The following BATF variants were observed in gnomAD, a reference collection of about 807,000 sequenced individuals.
BATF encodes basic leucine zipper transcriptional factor ATF-like.
A neutral mutation model predicts 13.7 loss-of-function variants in BATF; 5 were observed. The observed-to-expected ratio is 0.36, with a 90% CI of 0.19 to 0.77. BATF has a LOEUF of 0.77. Among genes scored for constraint, BATF ranks in the 30% least tolerant of loss-of-function variants. BATF has a pLI of 0.51. For missense variants in BATF, 124 were observed against 163.0 expected (o/e 0.76, Z 1.30); for synonymous variants, 72 against 67.5 (o/e 1.07, Z -0.33).
chr14:75,534,656 C>G (rs551905953), intron 2 of BATF, among the ~76,000 whole-genome samples: 2 of 152,276 alleles, frequency 1.3e-5, no homozygotes, highest in African/African-American at 2.4e-5. Context: ...AATTAAGAAG[C>G]CTTCATCAAG....
intron 2 of BATF, among the ~76,000 whole-genome samples, chr14:75,531,412 G>A (rs1181141617): frequency 2.6e-5 from 4 of 152,182 alleles, no homozygotes; most frequent in South Asian, 4.1e-4. Context: ...TGGAGTTGCC[G>A]GGAGCAGTGG....
At chr14:75,539,405 CAAGGT>C (rs1156606058) in intron 2 of BATF, among the ~76,000 whole-genome samples, 1 of 120,568 alleles carries the variant, frequency 8.3e-6, no homozygotes, top group African/African-American at 3.1e-5. Context: ...CCCCTAGCTA[CAAGGT>C]AAGGTAAGCT....
intron 2 of BATF, among the ~76,000 whole-genome samples, chr14:75,534,779 C>G (rs1226055816): frequency 8.5e-5 from 13 of 152,126 alleles, no homozygotes; most frequent in Admixed American, 8.5e-4. Context: ...TGATATGACC[C>G]CTTTTCAGTA....
intron 2 of BATF, among the ~76,000 whole-genome samples, chr14:75,529,358 G>T (rs1840156172): frequency 6.6e-6 from 1 of 152,156 alleles, no homozygotes; most frequent in Non-Finnish European, 1.5e-5. Flanking sequence ...AATGGGCTGG[G>T]CACGGTGGCT....
chr14:75,525,134 T>C lies in BATF; in HGVS notation c.114T>C (p.Ile38=), dbSNP rs761523570. The C allele has an allele frequency of 1.1e-5, 17 of 1,613,872 alleles. No individual in the cohort carries two copies. In the East Asian group the frequency reaches 3.6e-4, roughly 34 times the overall value. The change falls in exon 2 of 3, where the codon ATT becomes ATC. Residue 38 remains isoleucine (I), a synonymous_variant. Coordinates refer to ENST00000286639, the MANE Select transcript of BATF (RefSeq NM_006399.5). ...TTCAGAGGAGGGAGAAAAATCGTAT[T>C]GCCGCCCAGAAGAGCCGACAGAGGC... ...RRVQRREKNR[I]AAQKSRQRQT...
At chr14:75,526,116 G>A (rs948825527) in intron 2 of BATF, among the ~76,000 whole-genome samples, 1 of 152,194 alleles carries the variant, frequency 6.6e-6, no homozygotes, top group Non-Finnish European at 1.5e-5. Context: ...GGGGCCTTGA[G>A]CAGTGCTGAA....
intron 1 of BATF, 92 bp downstream of exon 1, chr14:75,522,837 G>A: frequency 2.6e-6 from 4 of 1,525,552 alleles, no homozygotes; most frequent in Non-Finnish European, 2.7e-6. Context: ...GGGAGCTGAG[G>A]ATGGAGGAAG....
chr14:75,543,133 A>G (rs944602201), intron 2 of BATF, among the ~76,000 whole-genome samples: 9 of 152,156 alleles, frequency 5.9e-5, no homozygotes, highest in Non-Finnish European at 5.9e-5. Flanking sequence ...CCCTAGTCTC[A>G]TCGTGTTGCT....
At chr14:75,529,782 T>C (rs552108617) in intron 2 of BATF, among the ~76,000 whole-genome samples, 144 of 152,132 alleles carry the variant, frequency 9.5e-4, no homozygotes, top group South Asian at 6.4e-3. Flanking sequence ...AAATGAACAA[T>C]GGGCCGGGCG....
At chr14:75,536,705 A>G (rs1887823324) in intron 2 of BATF, among the ~76,000 whole-genome samples, 1 of 118,566 alleles carries the variant, frequency 8.4e-6, no homozygotes, top group Non-Finnish European at 1.8e-5. Flanking sequence ...CCTGGGCAAC[A>G]GGGCAAGATC....
At chr14:75,532,010 GA>G (rs550343886) in intron 2 of BATF, among the ~76,000 whole-genome samples, 138 of 152,222 alleles carry the variant, frequency 9.1e-4, no homozygotes, top group African/African-American at 3.1e-3. Flanking sequence ...TTTCTTTTAA[GA>G]AAAAACCATG....
intron 2 of BATF, among the ~76,000 whole-genome samples, chr14:75,530,788 A>G (rs1887720903): frequency 6.6e-6 from 1 of 152,214 alleles, no homozygotes; most frequent in Non-Finnish European, 1.5e-5. Flanking sequence ...TGCTGGGATT[A>G]CAGGTGTGAG....
chr14:75,525,771 A>G (rs938679595), intron 2 of BATF, among the ~76,000 whole-genome samples: 1 of 151,902 alleles, frequency 6.6e-6, no homozygotes, highest in Non-Finnish European at 1.5e-5. Context: ...GAGAAGGCAG[A>G]GCTGTATTGG....
chr14:75,546,093 C>T (rs1887981295), intron 2 of BATF, among the ~76,000 whole-genome samples: 2 of 152,094 alleles, frequency 1.3e-5, no homozygotes, highest in South Asian at 2.1e-4. Context: ...AACTCCCCAC[C>T]TCAGGCAATC....
intron 2 of BATF, among the ~76,000 whole-genome samples, chr14:75,533,746 G>A (rs1887775036): frequency 6.6e-6 from 1 of 152,176 alleles, no homozygotes; most frequent in South Asian, 2.1e-4. Context: ...ATGATGGCTT[G>A]TGGAGGGAAT....
At chr14:75,528,897 C>T (rs1332329610) in intron 2 of BATF, among the ~76,000 whole-genome samples, 2 of 151,898 alleles carry the variant, frequency 1.3e-5, no homozygotes, top group Non-Finnish European at 2.9e-5. Flanking sequence ...GTTTATAATA[C>T]CAATGACAAC....
chr14:75,534,413 C>T (rs910917512), intron 2 of BATF, among the ~76,000 whole-genome samples: 1 of 152,176 alleles, frequency 6.6e-6, no homozygotes, highest in African/African-American at 2.4e-5. Flanking sequence ...TCCGATAATT[C>T]TTTGTTGTTG....
rs1359936885 is a variant in BATF at position 75,540,963 on chromosome 14, T to G, written c.169-5499T>G. Reference sequence around the variant, plus strand: ...TTAGCCAAGTGTATTGGCGGGCACCTGTAACCCCAGCTACCCAGAAGGCTG... The same window carrying G: ...TTAGCCAAGTGTATTGGCGGGCACCGGTAACCCCAGCTACCCAGAAGGCTG... On this transcript the variant is annotated intron_variant, in intron 2 of 2. Coordinates refer to ENST00000286639, the MANE Select transcript of BATF (RefSeq NM_006399.5). Among the ~76,000 whole-genome samples, 3 of 152,202 alleles carry G rather than the reference T, an allele frequency of 2.0e-5. No homozygotes were observed. In the East Asian group the frequency reaches 5.8e-4, roughly 29 times the overall value.
In BATF at chr14:75,536,947, AT is replaced by A. The variant is rs59587699; in HGVS notation, c.169-9505del. On this transcript the variant is annotated intron_variant, in intron 2 of 2. Transcript: ENST00000286639. ...AATGTAAGAACAAAGCAATATTGTC[AT>A]TTTTTTTTTACACTGTTCCTTTGTT... 6.6e-3 allele frequency among the ~76,000 whole-genome samples: 979 copies of A among 149,330 alleles called. 10 individuals are homozygous for A. The highest frequency in any genetic ancestry group is 0.023 in the African/African-American group (928 of 40,808).
Sources: gnomAD v4.1 joint callset for allele counts (sites outside exome capture counted in the v4.1 genomes callset) on GRCh38, gnomAD v4.1.1 for gene constraint, MANE v1.5 for transcripts, NCBI Gene and HGNC (gene_info 2026-07-23, HGNC 2026-07-21) for gene names.